DCDC2: variants seen among roughly 807,000 people sequenced by gnomAD.
The protein encoded by DCDC2 is doublecortin domain-containing protein 2.
A neutral mutation model predicts 50.2 loss-of-function variants in DCDC2; 40 were observed. The ratio of observed to expected loss-of-function variants is 0.80; its 90% confidence interval spans 0.62 to 1.04. The LOEUF is 1.04. Among genes scored for constraint, DCDC2 ranks in the 50% least tolerant of loss-of-function variants. The probability of loss-of-function intolerance (pLI) is 0.00; values close to 1 mark genes in which losing one functional copy is unlikely to be tolerated. For missense variants in DCDC2, 570 were observed against 581.9 expected (o/e 0.98, Z 0.21); for synonymous variants, 234 against 210.6 (o/e 1.11, Z -0.96).
chr6:24,181,117 G>T (rs975610319), intron 8 of DCDC2, among the ~76,000 whole-genome samples: 1 of 152,188 alleles, frequency 6.6e-6, no homozygotes, highest in South Asian at 2.1e-4. Context: ...AAATAGCGGA[G>T]AGTCCTAACT....
intron 7 of DCDC2, among the ~76,000 whole-genome samples, chr6:24,225,331 G>A (rs1211784950): frequency 6.6e-6 from 1 of 152,174 alleles, no homozygotes; most frequent in African/African-American, 2.4e-5. Flanking sequence ...TTTGTTAGGT[G>A]CAATCCATCT....
chr6:24,288,850 AC>A lies in DCDC2; in HGVS notation c.759+1del. ...TCAACGAGGAAAGCATCTGATACTT[AC>A]ACTCCCTTTAGACTTTCTGGATCCT... On this transcript the variant is annotated splice_donor_variant, in intron 6 of 9. Transcript: ENST00000378454. LOFTEE classifies it high-confidence loss of function. 1 of 1,611,282 alleles carries A rather than the reference AC, an allele frequency of 6.2e-7. No homozygotes were observed. The highest frequency in any genetic ancestry group is 8.5e-7 in the Non-Finnish European group (1 of 1,177,780).
In DCDC2 at chr6:24,172,989, A is replaced by AATAATAAT. The variant is rs1760817044; in HGVS notation, c.*1740_*1741insATTATTAT. On this transcript the variant is annotated 3_prime_UTR_variant, in exon 10 of 10. Coordinates refer to ENST00000378454, the MANE Select transcript of DCDC2 (RefSeq NM_016356.5). ...GACAAGAGCAAGACTTCATCTCAAA[A>AATAATAAT]AATAATAATAATAATAATAATAATA... is the stretch of plus-strand genomic sequence containing the variant. The AATAATAAT allele has an allele frequency of 1.4e-5, 2 of 145,938 alleles. No homozygotes were observed. Among genetic ancestry groups the AATAATAAT allele is most frequent in the African/African-American group, 5.0e-5 (2 of 39,856 alleles). The allele number at this position is 145,938 out of a possible 1,614,324, so 9.0% of individuals were successfully genotyped here.
chr6:24,286,615 G>C (rs1292715631), intron 6 of DCDC2, among the ~76,000 whole-genome samples: 1 of 148,696 alleles, frequency 6.7e-6, no homozygotes, highest in Non-Finnish European at 1.5e-5. Flanking sequence ...AAAACCACCT[G>C]CAACTGCAGC....
At chr6:24,343,910 G>A (rs1018848859) in intron 2 of DCDC2, among the ~76,000 whole-genome samples, 1 of 152,056 alleles carries the variant, frequency 6.6e-6, no homozygotes, top group African/African-American at 2.4e-5. Flanking sequence ...GGCACGCTGT[G>A]GGATGATTAA....
chr6:24,256,500 G>T (rs1200288532), intron 7 of DCDC2, among the ~76,000 whole-genome samples: 1 of 152,050 alleles, frequency 6.6e-6, no homozygotes, highest in Non-Finnish European at 1.5e-5. Flanking sequence ...CCTGTTGCGT[G>T]TGTGTGTGTC....
chr6:24,329,064 C>T (rs1759923156), intron 2 of DCDC2, among the ~76,000 whole-genome samples: 1 of 152,140 alleles, frequency 6.6e-6, no homozygotes, highest in Admixed American at 6.5e-5. Context: ...GTCTTTTCCA[C>T]CATGCCATGC....
chr6:24,359,431 A>ATATATTATATAGTATATATATTT (rs1561789626), upstream of DCDC2, among the ~76,000 whole-genome samples: 3 of 26,088 alleles, frequency 1.1e-4, no homozygotes, highest in Non-Finnish European at 1.8e-4. Context: ...ATATATATTT[A>ATATATTATATAGTATATATATTT]TATATACTAT....
At chr6:24,260,668 T>C (rs1212636579) in intron 7 of DCDC2, among the ~76,000 whole-genome samples, 1 of 152,258 alleles carries the variant, frequency 6.6e-6, no homozygotes, top group Admixed American at 6.5e-5. Flanking sequence ...TTCTAAGATG[T>C]GAACTCATCC....
intron 7 of DCDC2, among the ~76,000 whole-genome samples, chr6:24,232,364 A>T (rs1762354001): frequency 6.6e-6 from 1 of 152,224 alleles, no homozygotes; most frequent in Non-Finnish European, 1.5e-5. Context: ...AAATGAGCAC[A>T]CTGCTGTCAC....
At position 24,178,437 on chromosome 6, in the gene DCDC2, C is replaced by T. The variant is rs756047736; in HGVS notation, c.1219G>A (p.Gly407Ser). Residue 407 changes from glycine to serine, a missense_variant, in exon 9 of 10, where the codon GGC (glycine) becomes AGC (serine). Gly to Ser is a moderately conservative substitution (Grantham distance 56). Transcript: ENST00000378454. Reference protein sequence around the residue: ...QQARPARVNGGTDEENGEELQ... With the variant: ...QQARPARVNGSTDEENGEELQ... ...TCCTCACCATTCTCCTCATCGGTGC[C>T]TCCATTTACACGAGCAGGGCGTGCC... The T allele has an allele frequency of 2.5e-6, 4 of 1,614,194 alleles. No individual in the cohort carries two copies. Among genetic ancestry groups the T allele is most frequent in the South Asian group, 2.2e-5 (2 of 91,084 alleles).
chr6:24,308,885 A>G (rs1248549448), intron 2 of DCDC2, among the ~76,000 whole-genome samples: 2 of 152,178 alleles, frequency 1.3e-5, no homozygotes, highest in African/African-American at 4.8e-5. Flanking sequence ...GACCTTTTTT[A>G]GACAGATAAA....
intron 7 of DCDC2, among the ~76,000 whole-genome samples, chr6:24,257,024 TTTC>T (rs1386713959): frequency 6.6e-6 from 1 of 152,206 alleles, no homozygotes; most frequent in Non-Finnish European, 1.5e-5. Flanking sequence ...CTAATATTGA[TTTC>T]TTAAGTCAAA....
intron 7 of DCDC2, among the ~76,000 whole-genome samples, chr6:24,267,167 G>T (rs1473010211): frequency 6.6e-6 from 1 of 152,200 alleles, no homozygotes; most frequent in Non-Finnish European, 1.5e-5. Flanking sequence ...GAAGGGTAGT[G>T]AGGGTGAGGA....
At chr6:24,303,133 AT>A (rs1461845074) in intron 2 of DCDC2, among the ~76,000 whole-genome samples, 1 of 151,312 alleles carries the variant, frequency 6.6e-6, no homozygotes, top group Non-Finnish European at 1.5e-5. Flanking sequence ...GGTGCCTTTA[AT>A]TTTCCCCTTG....
At chr6:24,186,771 C>T (rs998644896) in intron 8 of DCDC2, among the ~76,000 whole-genome samples, 2 of 152,146 alleles carry the variant, frequency 1.3e-5, no homozygotes, top group African/African-American at 4.8e-5. Context: ...AGAGACAAAC[C>T]CCATCTTCTC....
At chr6:24,218,028 GC>G (rs940595063) in intron 7 of DCDC2, among the ~76,000 whole-genome samples, 37 of 152,218 alleles carry the variant, frequency 2.4e-4, no homozygotes, top group African/African-American at 8.4e-4. Flanking sequence ...CCTAACATAA[GC>G]CCTTTTAAGC....
chr6:24,203,122 T>C (rs979696953), intron 8 of DCDC2, among the ~76,000 whole-genome samples: 3 of 152,146 alleles, frequency 2.0e-5, no homozygotes, highest in East Asian at 1.9e-4. Context: ...CTTCACAAAA[T>C]TGGAAAAAAC....
chr6:24,193,346 A>G lies in DCDC2; in HGVS notation c.1023+11656T>C, dbSNP rs181096476. 1.9e-3 allele frequency among the ~76,000 whole-genome samples: 287 copies of G among 152,312 alleles called. 4 individuals are homozygous for G. Among genetic ancestry groups the G allele is most frequent in the Non-Finnish European group, 1.3e-4 (9 of 68,026 alleles). ...CACCAAGGAAGCAAAGGAAATTCTC[A>G]AAATAATGGTGAAGAAAAATACCAG... On this transcript the variant is annotated intron_variant, in intron 8 of 9. Coordinates refer to ENST00000378454, the MANE Select transcript of DCDC2 (RefSeq NM_016356.5).
Sources: allele counts gnomAD v4.1 joint callset (sites outside exome capture counted in the v4.1 genomes callset), GRCh38; gene constraint gnomAD v4.1.1; transcripts MANE v1.5; gene names NCBI Gene and HGNC (gene_info 2026-07-23, HGNC 2026-07-21).